Variants in ZPBP observed in about 807,000 individuals in gnomAD.
ZPBP encodes zona pellucida-binding protein 1.
A neutral mutation model predicts 44.8 loss-of-function variants in ZPBP; 26 were observed. The ratio of observed to expected loss-of-function variants is 0.58; its 90% CI spans 0.43 to 0.81. ZPBP has a LOEUF of 0.81. Among genes scored for constraint, ZPBP ranks in the 30% least tolerant of loss-of-function variants. The pLI is 0.00. For missense variants in ZPBP, 409 were observed against 434.0 expected (o/e 0.94, Z 0.51); for synonymous variants, 174 against 153.2 (o/e 1.14, Z -1.00).
intron 2 of ZPBP, among the ~76,000 whole-genome samples, chr7:49,899,906 T>C (rs1583788407): frequency 6.6e-6 from 1 of 151,914 alleles, no homozygotes; most frequent in African/African-American, 2.4e-5. Flanking sequence ...CTTACTAAGA[T>C]AGACCACATT....
chr7:49,941,689 T>C (rs1455190047), intron 7 of ZPBP, among the ~76,000 whole-genome samples: 4 of 152,024 alleles, frequency 2.6e-5, no homozygotes, highest in Non-Finnish European at 5.9e-5. Flanking sequence ...TGGAACACAA[T>C]ATTAAAGTGT....
At chr7:50,036,648 T>C (rs1035009097) in intron 4 of ZPBP, among the ~76,000 whole-genome samples, 17 of 152,072 alleles carry the variant, frequency 1.1e-4, no homozygotes, top group African/African-American at 4.1e-4. Context: ...CAAATGACTA[T>C]AAAAGAAATC....
chr7:49,974,252 C>A (rs1462050360), intron 7 of ZPBP, among the ~76,000 whole-genome samples: 1 of 152,070 alleles, frequency 6.6e-6, no homozygotes, highest in Non-Finnish European at 1.5e-5. Context: ...CTTACCACTA[C>A]TGAATTTTAC....
At chr7:49,929,606 G>T (rs138249366) in intron 1 of ZPBP, among the ~76,000 whole-genome samples, 23 of 152,248 alleles carry the variant, frequency 1.5e-4, no homozygotes, top group African/African-American at 5.5e-4. Context: ...GATGAGTTTT[G>T]CTTTCCTCCA....
At chr7:50,050,211 A>T (rs1274481641) in intron 4 of ZPBP, among the ~76,000 whole-genome samples, 1 of 152,074 alleles carries the variant, frequency 6.6e-6, no homozygotes, top group African/African-American at 2.4e-5. Flanking sequence ...AATTCCCATC[A>T]AAATCACATT....
At chr7:50,028,549 C>A (rs1799441382) in intron 5 of ZPBP, among the ~76,000 whole-genome samples, 1 of 151,702 alleles carries the variant, frequency 6.6e-6, no homozygotes, top group Non-Finnish European at 1.5e-5. Flanking sequence ...CTATTGCTAT[C>A]CACAGACAAC....
At chr7:49,944,496 A>G (rs1795020052) in intron 7 of ZPBP, 1 of 158,116 alleles carries the variant, frequency 6.3e-6, no homozygotes, top group African/African-American at 2.4e-5. Flanking sequence ...GGGTAAATGA[A>G]TTCAGAACTT....
chr7:49,846,538 A>T (rs1010111422), downstream of ZPBP, among the ~76,000 whole-genome samples: 1 of 152,192 alleles, frequency 6.6e-6, no homozygotes, highest in Non-Finnish European at 1.5e-5. Context: ...CCTGACAGTG[A>T]TGAGCTCAAG....
chr7:50,040,920 G>T (rs1185014906), intron 4 of ZPBP, among the ~76,000 whole-genome samples: 1 of 152,084 alleles, frequency 6.6e-6, no homozygotes, highest in Non-Finnish European at 1.5e-5. Flanking sequence ...TGAAATTCTC[G>T]CTGCCAGCAC....
chr7:49,892,031 A>ATTGT (rs1792154268), intron 2 of ZPBP, among the ~76,000 whole-genome samples: 3 of 53,288 alleles, frequency 5.6e-5, no homozygotes, highest in African/African-American at 2.2e-4. Context: ...GACAAAGTAG[A>ATTGT]TTTTTTTTTT....
intron 7 of ZPBP, among the ~76,000 whole-genome samples, chr7:49,981,374 T>TATAATATATA (rs1796893277): frequency 2.5e-4 from 1 of 3,970 alleles, no homozygotes; most frequent in African/African-American, 1.1e-3. Context: ...TAATTATATA[T>TATAATATATA]ATTATATATA....
chr7:50,090,503 A>ATATATATGTG (rs538820249), intron 1 of ZPBP, among the ~76,000 whole-genome samples: 3 of 151,656 alleles, frequency 2.0e-5, no homozygotes, highest in Non-Finnish European at 2.9e-5. Context: ...ATATGAGTGT[A>ATATATATGTG]TATATATGTG....
At chr7:49,968,228 A>C (rs1280507386) in intron 7 of ZPBP, among the ~76,000 whole-genome samples, 2 of 152,042 alleles carry the variant, frequency 1.3e-5, no homozygotes, top group African/African-American at 4.8e-5. Flanking sequence ...CTAGACTAAA[A>C]GCCATTATAT....
At chr7:49,862,370 T>C (rs1790686631) in intron 2 of ZPBP, among the ~76,000 whole-genome samples, 1 of 152,186 alleles carries the variant, frequency 6.6e-6, no homozygotes, top group Non-Finnish European at 1.5e-5. Flanking sequence ...TATCTTCTCA[T>C]GAATTATTTG....
chr7:49,848,194 G>A (rs77142543), downstream of ZPBP, among the ~76,000 whole-genome samples: 478 of 152,286 alleles, frequency 3.1e-3, no homozygotes, highest in African/African-American at 0.011. Context: ...TTTGAGTGAC[G>A]TATGAGTTTT....
At chr7:50,055,325 C>T (rs1800887349) in intron 4 of ZPBP, among the ~76,000 whole-genome samples, 1 of 152,100 alleles carries the variant, frequency 6.6e-6, no homozygotes, top group Non-Finnish European at 1.5e-5. Flanking sequence ...GTAGCTATTA[C>T]AAAGATTAAA....
intron 7 of ZPBP, among the ~76,000 whole-genome samples, chr7:49,973,499 A>G (rs940517477): frequency 3.9e-5 from 6 of 152,130 alleles, no homozygotes; most frequent in African/African-American, 1.4e-4. Flanking sequence ...CAATAACAAA[A>G]AAGGCAACCT....
chr7:49,970,456 G>A (rs1406776249), intron 7 of ZPBP, among the ~76,000 whole-genome samples: 1 of 132,868 alleles, frequency 7.5e-6, no homozygotes, highest in Non-Finnish European at 1.6e-5. Context: ...CCACACAACA[G>A]CTGAATATAC....
chr7:49,963,333 C>A (rs1009757710), intron 7 of ZPBP, among the ~76,000 whole-genome samples: 2 of 151,624 alleles, frequency 1.3e-5, no homozygotes, highest in African/African-American at 4.8e-5. Context: ...GGGTTTCTTA[C>A]AATTTTAACT....
Sources: gnomAD v4.1 joint callset for allele counts (sites outside exome capture counted in the v4.1 genomes callset) on GRCh38, gnomAD v4.1.1 for gene constraint, MANE v1.5 for transcripts, NCBI Gene and HGNC (gene_info 2026-07-23, HGNC 2026-07-21) for gene names.